The following AIM2 variants were observed in gnomAD, a reference collection of about 807,000 sequenced individuals.
AIM2 encodes the protein interferon-inducible protein AIM2.
AIM2 carries 30 observed loss-of-function variants against 27.7 expected under a neutral mutation model. That is an observed-to-expected ratio of 1.08 (90% CI 0.81 to 1.47). AIM2 has a LOEUF of 1.47. AIM2 is among the 40% of genes most tolerant of loss of function. AIM2 has a pLI of 0.00. For missense variants in AIM2, 358 were observed against 411.3 expected (o/e 0.87, Z 1.12); for synonymous variants, 141 against 145.3 (o/e 0.97, Z 0.21).
intron 4 of AIM2, among the ~76,000 whole-genome samples, chr1:159,065,132 G>C (rs1288561882): frequency 2.0e-5 from 3 of 152,100 alleles, no homozygotes; most frequent in African/African-American, 4.8e-5. Context: ...CTGAATGCAG[G>C]GGCAGCAGGT....
At chr1:159,115,177 TA>T (rs952587627) in intron 1 of AIM2, among the ~76,000 whole-genome samples, 1 of 151,870 alleles carries the variant, frequency 6.6e-6, no homozygotes, top group Non-Finnish European at 1.5e-5. Flanking sequence ...CTCAACGAAA[TA>T]AAAGAGGATA....
At chr1:159,062,835 G>A (rs1655892746) in intron 5 of AIM2, 117 bp from the exon 6 acceptor site, 1 of 988,942 alleles carries the variant, frequency 1.0e-6, no homozygotes. Context: ...AAATTATTTT[G>A]TTCCCACCCT....
intron 1 of AIM2, among the ~76,000 whole-genome samples, chr1:159,117,161 G>A (rs187080191): frequency 2.4e-4 from 37 of 152,318 alleles, no homozygotes; most frequent in African/African-American, 8.4e-4. Flanking sequence ...ATCTTGGAAG[G>A]CTGTGTAGTA....
At chr1:159,130,666 T>A (rs1647844781) in intron 1 of AIM2, among the ~76,000 whole-genome samples, 1 of 152,016 alleles carries the variant, frequency 6.6e-6, no homozygotes, top group East Asian at 1.9e-4. Context: ...TCTCCACTTC[T>A]CTAATACAAG....
upstream of AIM2, chr1:159,081,499 C>T: frequency 1.9e-6 from 1 of 520,466 alleles, no homozygotes. Context: ...CCTCTGACTG[C>T]AGAATAATTT....
At position 159,062,587 on chromosome 1, in the gene AIM2, T is replaced by A. The variant is rs1655875032; in HGVS notation, c.*105A>T. ...TTGGTGGAGAGAGGAGCCTGTGAAC[T>A]GCAGCTTTCAGGTAACTTACAATCT... is the stretch of plus-strand genomic sequence containing the variant. On this transcript the variant is annotated 3_prime_UTR_variant, in exon 6 of 6. Coordinates refer to ENST00000368130, the MANE Select transcript of AIM2 (RefSeq NM_004833.3). 1.8e-6 allele frequency: 2 copies of A among 1,091,810 alleles called. No homozygotes were observed. Among genetic ancestry groups the A allele is most frequent in the Admixed American group, 4.0e-5 (2 of 49,548 alleles). The allele number at this position is 1,091,810 out of a possible 1,614,324, so 67.6% of individuals were successfully genotyped here. A position where few individuals can be genotyped will look rare whatever the true frequency, so the allele number is the denominator to read the frequency against.
downstream of AIM2, chr1:159,062,429 G>C (rs1655866187): frequency 7.6e-6 from 4 of 524,248 alleles, no homozygotes; most frequent in Non-Finnish European, 1.0e-5. Context: ...CATTGATAAA[G>C]TATTTTCGCT....
intron 1 of AIM2, among the ~76,000 whole-genome samples, chr1:159,139,970 T>C (rs946433874): frequency 2.0e-5 from 3 of 152,100 alleles, no homozygotes; most frequent in African/African-American, 7.2e-5. Context: ...GGAGGGAGAA[T>C]CAGGAAGATG....
chr1:159,073,106 A>G lies in AIM2; in HGVS notation c.262+132T>C. On this transcript the variant is annotated intron_variant, in intron 2 of 5. Transcript: ENST00000368130. The stretch of plus-strand genomic sequence containing the variant: ...CGATTCTCAGTAAAAGGGGGCAAAG[A>G]GACAGGTGCACTAAGTTAGCAAACA... 3 of 1,101,754 alleles carry G rather than the reference A, an allele frequency of 2.7e-6. No homozygotes were observed. The South Asian group carries it at 4.7e-5, about 17-fold the overall frequency. 68.2% of individuals were successfully genotyped at this position (1,101,754 alleles called of 1,614,324 possible). A position where few individuals can be genotyped will look rare whatever the true frequency, so the allele number is the denominator to read the frequency against.
intron 1 of AIM2, among the ~76,000 whole-genome samples, chr1:159,112,783 A>G (rs894542716): frequency 1.3e-5 from 2 of 152,144 alleles, no homozygotes; most frequent in Admixed American, 1.3e-4. Flanking sequence ...TAGAAGTTAA[A>G]ATATGTGACA....
At chr1:159,120,273 G>A (rs892982196) in intron 1 of AIM2, among the ~76,000 whole-genome samples, 2 of 152,124 alleles carry the variant, frequency 1.3e-5, no homozygotes, top group Admixed American at 1.3e-4. Flanking sequence ...ACCAAAAGAC[G>A]TATAGTAAAA....
intron 1 of AIM2, among the ~76,000 whole-genome samples, chr1:159,106,618 A>G (rs1657454063): frequency 6.6e-6 from 1 of 152,228 alleles, no homozygotes; most frequent in Admixed American, 6.5e-5. Context: ...ACACTAGGAC[A>G]CCACTGACAT....
chr1:159,080,616 T>C (rs1656754502), upstream of AIM2, among the ~76,000 whole-genome samples: 1 of 152,112 alleles, frequency 6.6e-6, no homozygotes, highest in Non-Finnish European at 1.5e-5. Context: ...TTGTGAAAAA[T>C]ACGGATTTTA....
chr1:159,097,485 T>C (rs1261946269), intron 1 of AIM2, among the ~76,000 whole-genome samples: 4 of 152,074 alleles, frequency 2.6e-5, no homozygotes, highest in Non-Finnish European at 4.4e-5. Context: ...TTCACAGCCA[T>C]AATGAAGAGC....
At chr1:159,117,402 G>A (rs141923928) in intron 1 of AIM2, among the ~76,000 whole-genome samples, 3 of 152,166 alleles carry the variant, frequency 2.0e-5, no homozygotes. Flanking sequence ...GGCAGAAGAG[G>A]TGGGAAGATA....
chr1:159,125,822 A>C (rs1647671702), intron 1 of AIM2, among the ~76,000 whole-genome samples: 1 of 152,178 alleles, frequency 6.6e-6, no homozygotes. Flanking sequence ...ATGCAGGGGT[A>C]AGGTCGGCCT....
At chr1:159,069,825 G>C (rs1266018707) in intron 2 of AIM2, among the ~76,000 whole-genome samples, 1 of 152,166 alleles carries the variant, frequency 6.6e-6, no homozygotes, top group African/African-American at 2.4e-5. Context: ...TTACAGGCGT[G>C]AGCCACCGCG....
intron 1 of AIM2, among the ~76,000 whole-genome samples, chr1:159,088,207 T>C (rs776997606): frequency 5.9e-5 from 9 of 152,076 alleles, no homozygotes; most frequent in Non-Finnish European, 1.0e-4. Context: ...GAAAATGGCT[T>C]TGAGGTATGT....
intron 1 of AIM2, among the ~76,000 whole-genome samples, chr1:159,082,337 A>C (rs563270802): frequency 1.1e-3 from 163 of 152,350 alleles, no homozygotes; most frequent in African/African-American, 3.8e-3. Flanking sequence ...CTATAACAAA[A>C]ATACTATAGA....
Sources: allele counts gnomAD v4.1 joint callset (sites outside exome capture counted in the v4.1 genomes callset), GRCh38; gene constraint gnomAD v4.1.1; transcripts MANE v1.5; gene names NCBI Gene and HGNC (gene_info 2026-07-23, HGNC 2026-07-21).